DLD: variants seen among roughly 807,000 people sequenced by gnomAD.
The protein encoded by DLD is dihydrolipoyl dehydrogenase, mitochondrial.
A neutral mutation model predicts 62.2 loss-of-function variants in DLD; 36 were observed. The ratio of observed to expected loss-of-function variants is 0.58; its 90% confidence interval spans 0.44 to 0.76. DLD has a LOEUF of 0.76. Ranked by LOEUF, DLD falls within the 30% of genes least tolerant of loss-of-function variation. The pLI, the probability that DLD is intolerant of heterozygous loss-of-function variation, is 0.00. For synonymous variants in DLD, 204 were observed against 199.6 expected (o/e 1.02, Z -0.19); for missense variants, 541 against 608.6 (o/e 0.89, Z 1.17).
chr7:107,907,925 G>A (rs1304306516), intron 8 of DLD, among the ~76,000 whole-genome samples: 3 of 152,104 alleles, frequency 2.0e-5, no homozygotes, highest in Admixed American at 6.5e-5. Flanking sequence ...CCAATAAATT[G>A]CTCTTAGGGC....
intron 8 of DLD, among the ~76,000 whole-genome samples, chr7:107,914,826 A>T (rs1339615540): frequency 6.6e-6 from 1 of 152,228 alleles, no homozygotes. Flanking sequence ...TAATTGTCAA[A>T]ATGTTAAAAT....
rs531489709 is a variant in DLD, at chr7:107,898,578, G to T, written c.119-3160G>T. 5.9e-5 allele frequency among the ~76,000 whole-genome samples: 9 copies of T among 151,364 alleles called. No homozygotes were observed. In the South Asian group the frequency reaches 1.9e-3, roughly 32 times the overall value. ...TTACAGGTGGGAGCCACCACACCTG[G>T]CCTGTATCCTGATTTTTTAACTTTT... is the stretch of plus-strand genomic sequence containing the variant. On this transcript the variant is annotated intron_variant, in intron 2 of 13. Transcript: ENST00000205402.
In DLD at chr7:107,905,400, A is replaced by C; in HGVS notation, c.478A>C (p.Asn160His). Residue 160 changes from asparagine to histidine, a missense_variant, in exon 7 of 14, where the codon AAT becomes CAT. Transcript: ENST00000205402. Reference protein sequence around the residue: ...VNGYGKITGKNQVTATKADGG... With the variant: ...VNGYGKITGKHQVTATKADGG... The stretch of plus-strand genomic sequence containing the variant: ...TGGATATGGAAAGATAACTGGCAAA[A>C]ATCAAGTCACTGCTACGAAAGCTGA... The C allele has an allele frequency of 6.2e-7, 1 of 1,613,842 alleles. No homozygotes were observed. Among genetic ancestry groups the C allele is most frequent in the Non-Finnish European group, 8.5e-7 (1 of 1,179,790 alleles).
chr7:107,916,745 C>A, intron 9 of DLD, 49 bp from the exon 10 acceptor site: 1 of 1,546,170 alleles, frequency 6.5e-7, no homozygotes, highest in South Asian at 1.1e-5. Flanking sequence ...CTAAGCCTAT[C>A]AATTTATGTA....
At position 107,915,680 on chromosome 7, in the gene DLD, G is replaced by A. The variant is rs1476646116; in HGVS notation, c.859G>A (p.Gly287Arg). ...KVTGATKKSD[G>R]KIDVSIEAAS... ...TACTGGTGCTACCAAGAAGTCAGAT[G>A]GAAAAATTGATGTTTCGTAAGTATA... Residue 287 changes from glycine to arginine, a missense_variant, in exon 9 of 14, where the codon GGA becomes AGA. Transcript: ENST00000205402. 2 of 1,613,456 alleles carry A rather than the reference G, an allele frequency of 1.2e-6. No homozygotes were observed. The highest frequency in any genetic ancestry group is 8.5e-7 in the Non-Finnish European group (1 of 1,179,708).
intron 2 of DLD, among the ~76,000 whole-genome samples, chr7:107,901,013 C>T (rs904737791): frequency 2.6e-5 from 4 of 152,010 alleles, no homozygotes; most frequent in African/African-American, 9.7e-5. Context: ...AATTAATTTT[C>T]AATTTTTTAT....
intron 2 of DLD, among the ~76,000 whole-genome samples, chr7:107,900,417 A>G (rs2031849251): frequency 6.6e-6 from 1 of 152,164 alleles, no homozygotes; most frequent in Non-Finnish European, 1.5e-5. Context: ...ATGCTAAATT[A>G]TTTACATACA....
chr7:107,906,301 C>T lies in DLD; in HGVS notation c.617C>T (p.Ala206Val), dbSNP rs1584465534. ...GATACAATAGTGTCATCTACAGGTG[C>T]TTTATCTTTAAAAAAAGTTCCAGAA... ...DEDTIVSSTG[A>V]LSLKKVPEKM... The change falls in exon 8 of 14, where the codon GCT (alanine) becomes GTT (valine). Residue 206 changes from alanine to valine, a missense_variant. Ala to Val is a moderately conservative substitution (Grantham distance 64). Coordinates refer to ENST00000205402, the MANE Select transcript of DLD (RefSeq NM_000108.5). 1 of 1,606,216 alleles carries T rather than the reference C, an allele frequency of 6.2e-7. No individual in the cohort carries two copies. Among genetic ancestry groups the T allele is most frequent in the Non-Finnish European group, 8.5e-7 (1 of 1,172,956 alleles).
At chr7:107,896,978 G>A (rs1211199755) in intron 2 of DLD, among the ~76,000 whole-genome samples, 2 of 151,962 alleles carry the variant, frequency 1.3e-5, no homozygotes, top group Non-Finnish European at 2.9e-5. Context: ...TGGGATTACA[G>A]GTGCCTGCCA....
chr7:107,918,952 C>G, intron 12 of DLD, 58 bp from the exon 13 acceptor site: 1 of 1,359,532 alleles, frequency 7.4e-7, no homozygotes, highest in Admixed American at 1.7e-5. Flanking sequence ...CAATTGCTAT[C>G]CTATTAGCAT....
At chr7:107,891,324 G>C (rs761398645) in intron 1 of DLD, 35 bp downstream of exon 1, 2 of 1,613,670 alleles carry the variant, frequency 1.2e-6, no homozygotes, top group Admixed American at 1.7e-5. Flanking sequence ...TGTTGAGCCA[G>C]AGGCACGGAA....
In DLD at chr7:107,916,902, A is replaced by AG; in HGVS notation, c.984_985insG (p.Ile329AspfsTer2). Reference sequence around the variant, plus strand: ...AGAATTTGGGACTAGAAGAGCTGGGAATTGAACTAGATCCCAGAGGTAGAA... The same window carrying AG: ...AGAATTTGGGACTAGAAGAGCTGGGAGATTGAACTAGATCCCAGAGGTAGAA... On this transcript the variant is annotated frameshift_variant, in exon 10 of 14. Transcript: ENST00000205402. LOFTEE classifies it high-confidence loss of function. 1.9e-6 allele frequency: 3 copies of AG among 1,613,828 alleles called. No homozygotes were observed. The highest frequency in any genetic ancestry group is 2.5e-6 in the Non-Finnish European group (3 of 1,179,968).
At position 107,915,604 on chromosome 7, in the gene DLD, T is replaced by C; in HGVS notation, c.783T>C (p.Phe261=). Residue 261 remains phenylalanine (F), a synonymous_variant, in exon 9 of 14, where the codon TTT becomes TTC. Coordinates refer to ENST00000205402, the MANE Select transcript of DLD (RefSeq NM_000108.5). Reference sequence around the variant, plus strand: ...TTGATATGGAGATATCTAAAAACTTTCAACGCATCCTTCAAAAACAGGGGT... The same window carrying C: ...TTGATATGGAGATATCTAAAAACTTCCAACGCATCCTTCAAAAACAGGGGT... ...VGIDMEISKN[F]QRILQKQGFK... The C allele has an allele frequency of 6.2e-7, 1 of 1,613,824 alleles. No individual in the cohort carries two copies. Among genetic ancestry groups the C allele is most frequent in the Non-Finnish European group, 8.5e-7 (1 of 1,179,866 alleles).
chr7:107,916,098 A>G (rs77067299), intron 9 of DLD, among the ~76,000 whole-genome samples: 18,301 of 152,190 alleles, frequency 0.12, 1,743 homozygotes, highest in East Asian at 0.51. Context: ...AAATATTTAA[A>G]TTAAATAGTT....
chr7:107,892,522 C>A (rs927349387), intron 1 of DLD, among the ~76,000 whole-genome samples: 1 of 138,814 alleles, frequency 7.2e-6, no homozygotes, highest in Non-Finnish European at 1.5e-5. Context: ...TAAGTTAGAA[C>A]TTTCAGAGCT....
chr7:107,901,888 C>G, intron 3 of DLD, 71 bp downstream of exon 3: 2 of 1,287,688 alleles, frequency 1.6e-6, no homozygotes, highest in South Asian at 1.2e-5. Flanking sequence ...TTATAAAGTA[C>G]TTTGCAGGCA....
chr7:107,902,328 G>A lies in DLD; in HGVS notation c.202G>A (p.Val68Ile). The change falls in exon 4 of 14, where the codon GTC becomes ATC. Residue 68 changes from valine to isoleucine, a missense_variant. By Grantham distance (29) the Val-to-Ile change is conservative. Transcript: ENST00000205402. ...ATAATGTTTTCTTTGGTTGTAGACA[G>A]TCTGCATTGAGAAAAATGAAACACT... ...IKAAQLGFKT[V>I]CIEKNETLGG... The A allele has an allele frequency of 2.5e-6, 4 of 1,613,542 alleles. No homozygotes were observed. The highest frequency in any genetic ancestry group is 3.4e-6 in the Non-Finnish European group (4 of 1,179,576).
rs577517622 is a variant in DLD at position 107,903,373 on chromosome 7, C to T, written c.268-105C>T. The T allele has an allele frequency of 5.9e-5, 45 of 761,086 alleles. No homozygotes were observed. In the East Asian group the frequency reaches 9.4e-4, roughly 16 times the overall value. The allele number at this position is 761,086 out of a possible 1,614,324, so 47.1% of individuals were successfully genotyped here. A position where few individuals can be genotyped will look rare whatever the true frequency, so the allele number is the denominator to read the frequency against. On this transcript the variant is annotated intron_variant, in intron 4 of 13. Transcript: ENST00000205402. ...AGCTTGGGCAATAAGAACGAAACTC[C>T]GTCTCAAAAAATGAAAAGAAAGACT...
intron 12 of DLD, 98 bp from the exon 13 acceptor site, chr7:107,918,912 C>A: frequency 2.1e-6 from 2 of 947,008 alleles, no homozygotes; most frequent in Non-Finnish European, 3.4e-6. Context: ...AGATTTAAGG[C>A]GTTTTTAAGA....
Sources: gnomAD v4.1 joint callset for allele counts (sites outside exome capture counted in the v4.1 genomes callset) on GRCh38, gnomAD v4.1.1 for gene constraint, MANE v1.5 for transcripts, NCBI Gene and HGNC (gene_info 2026-07-23, HGNC 2026-07-21) for gene names.